SUGCT: variants seen among roughly 807,000 people sequenced by gnomAD.
The protein encoded by SUGCT is succinyl-CoA:glutarate-CoA transferase.
A neutral mutation model predicts 55.0 loss-of-function variants in SUGCT; 41 were observed. That is an observed-to-expected ratio of 0.74 (90% CI 0.58 to 0.97). The LOEUF (loss-of-function observed/expected upper bound fraction) is 0.97, where lower values mean the gene tolerates loss of function less well. SUGCT is among the 50% of genes least tolerant of loss of function. The pLI, the probability that SUGCT is intolerant of heterozygous loss-of-function variation, is 0.00. For missense variants in SUGCT, 568 were observed against 547.8 expected (o/e 1.04, Z -0.37); for synonymous variants, 187 against 200.4 (o/e 0.93, Z 0.56).
intron 12 of SUGCT, among the ~76,000 whole-genome samples, chr7:40,650,553 T>A (rs1404704166): frequency 6.6e-6 from 1 of 152,158 alleles, no homozygotes; most frequent in Non-Finnish European, 1.5e-5. Flanking sequence ...GCAGAAATAA[T>A]TGGCAGTGAT....
intron 11 of SUGCT, among the ~76,000 whole-genome samples, chr7:40,464,583 TAA>T (rs1789998836): frequency 6.6e-6 from 1 of 152,310 alleles, no homozygotes; most frequent in South Asian, 2.1e-4. Context: ...TACAATTTTT[TAA>T]ATTTACCATG....
chr7:40,585,410 G>C (rs536293152), intron 12 of SUGCT, among the ~76,000 whole-genome samples: 1 of 152,232 alleles, frequency 6.6e-6, no homozygotes, highest in South Asian at 2.1e-4. Flanking sequence ...CTCATTCAAG[G>C]TTTGGACTTT....
intron 7 of SUGCT, among the ~76,000 whole-genome samples, chr7:40,244,800 G>A (rs1039221697): frequency 2.6e-5 from 4 of 152,110 alleles, no homozygotes; most frequent in African/African-American, 9.7e-5. Context: ...TAGGTGGACC[G>A]TATAATTCAT....
At chr7:40,737,887 G>A (rs892523538) in intron 12 of SUGCT, among the ~76,000 whole-genome samples, 10 of 151,672 alleles carry the variant, frequency 6.6e-5, no homozygotes, top group Non-Finnish European at 1.5e-4. Context: ...TGGTGCCACT[G>A]CACTCTGGCC....
At chr7:40,736,106 G>A (rs1787139412) in intron 12 of SUGCT, among the ~76,000 whole-genome samples, 1 of 150,644 alleles carries the variant, frequency 6.6e-6, no homozygotes, top group African/African-American at 2.4e-5. Context: ...ACACACATAG[G>A]AAATACAAGA....
At chr7:40,747,806 G>A (rs528580131) in intron 12 of SUGCT, among the ~76,000 whole-genome samples, 162 of 152,140 alleles carry the variant, frequency 1.1e-3, no homozygotes, top group Middle Eastern at 3.4e-3. Context: ...ATAAAAAAAT[G>A]TGTTGCATTT....
chr7:40,305,655 G>A (rs1794812658), intron 8 of SUGCT, among the ~76,000 whole-genome samples: 1 of 151,906 alleles, frequency 6.6e-6, no homozygotes, highest in African/African-American at 2.4e-5. Context: ...ATGAACTCCA[G>A]TTATTTTTTT....
chr7:40,948,014 C>G, the SUGCT span, among the ~76,000 whole-genome samples: 20 of 152,118 alleles, frequency 1.3e-4, no homozygotes, highest in African/African-American at 4.8e-4. Context: ...CCTCTATTGA[C>G]AATTTGATTA....
intron 12 of SUGCT, among the ~76,000 whole-genome samples, chr7:40,707,855 A>T (rs905177076): frequency 4.6e-5 from 7 of 152,204 alleles, no homozygotes; most frequent in African/African-American, 1.7e-4. Flanking sequence ...TTTTGTTAAA[A>T]CTTGGTTGTA....
At chr7:40,519,224 G>C (rs552904782) in intron 12 of SUGCT, among the ~76,000 whole-genome samples, 30 of 152,224 alleles carry the variant, frequency 2.0e-4, no homozygotes, top group Non-Finnish European at 3.7e-4. Context: ...CTGAGTAACT[G>C]TCCTAGAATG....
intron 12 of SUGCT, among the ~76,000 whole-genome samples, chr7:40,604,974 C>T (rs949162649): frequency 2.0e-5 from 3 of 152,224 alleles, no homozygotes; most frequent in Non-Finnish European, 4.4e-5. Flanking sequence ...CCCAGTCCTG[C>T]CAGCCCGCTT....
chr7:40,717,936 A>G (rs1193871850), intron 12 of SUGCT, among the ~76,000 whole-genome samples: 5 of 152,176 alleles, frequency 3.3e-5, no homozygotes, highest in Non-Finnish European at 7.4e-5. Context: ...CTTCTTCTTT[A>G]TTCACATATT....
At chr7:40,553,601 C>G (rs1193165035) in intron 12 of SUGCT, among the ~76,000 whole-genome samples, 1 of 152,064 alleles carries the variant, frequency 6.6e-6, no homozygotes, top group Non-Finnish European at 1.5e-5. Context: ...TATGTCCACC[C>G]TCTACACGTA....
intron 1 of SUGCT, among the ~76,000 whole-genome samples, chr7:40,179,125 A>G (rs192117994): frequency 6.6e-6 from 1 of 152,278 alleles, no homozygotes; most frequent in Admixed American, 6.5e-5. Flanking sequence ...GCAGGGAAGG[A>G]TATTATGTTT....
At chr7:40,451,078 G>A (rs146304709) in intron 10 of SUGCT, among the ~76,000 whole-genome samples, 1 of 151,856 alleles carries the variant, frequency 6.6e-6, no homozygotes, top group East Asian at 1.9e-4. Flanking sequence ...TATTATGAAC[G>A]GTCAATGTTA....
intron 12 of SUGCT, among the ~76,000 whole-genome samples, chr7:40,571,045 G>T (rs767343285): frequency 6.6e-6 from 1 of 151,772 alleles, no homozygotes; most frequent in Non-Finnish European, 1.5e-5. Flanking sequence ...TTTTATAAAT[G>T]TACCACTTTC....
At chr7:40,181,461 A>G (rs1279648053) in intron 2 of SUGCT, among the ~76,000 whole-genome samples, 3 of 152,084 alleles carry the variant, frequency 2.0e-5, no homozygotes, top group African/African-American at 7.2e-5. Context: ...AAAGAATTAT[A>G]GGGGCCAGGC....
At chr7:40,903,332 C>T in the SUGCT span, among the ~76,000 whole-genome samples, 1 of 152,144 alleles carries the variant, frequency 6.6e-6, no homozygotes, top group Non-Finnish European at 1.5e-5. Context: ...AGGATCCCCA[C>T]TTACATCAGC....
chr7:40,179,572 C>A (rs1045720252), intron 1 of SUGCT, among the ~76,000 whole-genome samples: 2 of 152,220 alleles, frequency 1.3e-5, no homozygotes, highest in Non-Finnish European at 2.9e-5. Context: ...CGTGAGCCAC[C>A]ATGCCCGGCC....
Sources: allele counts gnomAD v4.1 joint callset (sites outside exome capture counted in the v4.1 genomes callset), GRCh38; gene constraint gnomAD v4.1.1; transcripts MANE v1.5; gene names NCBI Gene and HGNC (gene_info 2026-07-23, HGNC 2026-07-21).